POGZ: variants seen among roughly 807,000 people sequenced by gnomAD.
POGZ encodes the protein pogo transposable element with ZNF domain.
A neutral mutation model predicts 134.6 loss-of-function variants in POGZ; 17 were observed. That is an observed-to-expected ratio of 0.13 (90% CI 0.09 to 0.19). The LOEUF (loss-of-function observed/expected upper bound fraction) is 0.19. POGZ is among the 10% of genes least tolerant of loss of function. The probability of loss-of-function intolerance (pLI) is 1.00; values close to 1 mark genes in which losing one functional copy is unlikely to be tolerated. For synonymous variants in POGZ, 693 were observed against 657.1 expected, an observed-to-expected ratio of 1.05 and a Z score of -0.84; for missense variants, 1,306 against 1,769.7, an observed-to-expected ratio of 0.74 and a Z score of 4.70.
In POGZ at chr1:151,433,149, GC is replaced by G. The variant is rs1213390959; in HGVS notation, c.284-2309del. On this transcript the variant is annotated intron_variant, in intron 3 of 18. Coordinates refer to ENST00000271715, the MANE Select transcript of POGZ (RefSeq NM_015100.4). ...TAAATACAAGAAGGGAAAGATGGAGGCTTTTTGCATTTATGGGAAATCAGTC... is the reference window on the plus strand; with the variant it reads ...TAAATACAAGAAGGGAAAGATGGAGGTTTTTGCATTTATGGGAAATCAGTC... Among the ~76,000 whole-genome samples the G allele has an allele frequency of 4.0e-4, 61 of 152,252 alleles. No homozygotes were observed. The East Asian group carries it at 0.011, about 28-fold the overall frequency.
At chr1:151,437,320 C>T (rs1218728798) in intron 3 of POGZ, among the ~76,000 whole-genome samples, 2 of 151,796 alleles carry the variant, frequency 1.3e-5, no homozygotes, top group Non-Finnish European at 2.9e-5. Flanking sequence ...CAATTTTACC[C>T]TTTATGGTTA....
intron 12 of POGZ, 69 bp from the exon 13 acceptor site, chr1:151,408,897 G>A: frequency 7.3e-7 from 1 of 1,363,646 alleles, no homozygotes. Flanking sequence ...CTTTTTTGAG[G>A]AGAAAGCAGA....
At chr1:151,444,521 T>G (rs60747542) in intron 1 of POGZ, among the ~76,000 whole-genome samples, 3,165 of 152,292 alleles carry the variant, frequency 0.021, 103 homozygotes, top group African/African-American at 0.073. Context: ...ATATAAACTG[T>G]GGACAATAAC....
chr1:151,411,866 A>G (rs1654746028), intron 11 of POGZ, 95 bp from the exon 12 acceptor site: 1 of 1,128,562 alleles, frequency 8.9e-7, no homozygotes, highest in Admixed American at 3.3e-5. Flanking sequence ...TTAAATTAAA[A>G]AAAAAAAGTT....
At chr1:151,433,544 G>A (rs1350650710) in intron 3 of POGZ, among the ~76,000 whole-genome samples, 1 of 142,826 alleles carries the variant, frequency 7.0e-6, no homozygotes, top group Non-Finnish European at 1.5e-5. Context: ...GGAGGCAGAG[G>A]TTGCATTGAG....
chr1:151,419,130 T>C (rs1656373110), intron 10 of POGZ, among the ~76,000 whole-genome samples: 1 of 150,838 alleles, frequency 6.6e-6, no homozygotes, highest in African/African-American at 2.4e-5. Context: ...GATGCAGGTA[T>C]ATCATTTAAG....
chr1:151,418,271 G>C (rs1014831519), intron 10 of POGZ, among the ~76,000 whole-genome samples: 1 of 151,580 alleles, frequency 6.6e-6, no homozygotes, highest in African/African-American at 2.4e-5. Flanking sequence ...CCACAAAAAA[G>C]AATGAAATTC....
intron 3 of POGZ, among the ~76,000 whole-genome samples, chr1:151,433,003 T>A (rs1658953680): frequency 6.6e-6 from 1 of 152,216 alleles, no homozygotes; most frequent in African/African-American, 2.4e-5. Context: ...AAATATTGAC[T>A]AAGCAAAAGT....
Position 151,403,158 on chromosome 1 carries a change from G to T in POGZ, c.*1644C>A. On this transcript the variant is annotated 3_prime_UTR_variant, in exon 19 of 19. Coordinates refer to ENST00000271715, the MANE Select transcript of POGZ (RefSeq NM_015100.4). ...CACAAAGCTGGCCAAGCTGTTTCTG[G>T]AAGGGACTTTTCCAGTTCACTATAT... is the stretch of plus-strand genomic sequence containing the variant. 2.1e-6 allele frequency: 2 copies of T among 941,168 alleles called. No homozygotes were observed. The highest frequency in any genetic ancestry group is 2.5e-6 in the Non-Finnish European group (2 of 789,348). The allele number at this position is 941,168 out of a possible 1,614,324, so 58.3% of individuals were successfully genotyped here.
At chr1:151,410,340 G>A (rs745868516) in intron 12 of POGZ, among the ~76,000 whole-genome samples, 3 of 152,112 alleles carry the variant, frequency 2.0e-5, no homozygotes, top group Non-Finnish European at 2.9e-5. Flanking sequence ...GCTGAAATGT[G>A]ACTTCCACCC....
intron 10 of POGZ, among the ~76,000 whole-genome samples, chr1:151,419,797 T>C (rs1240920290): frequency 6.7e-6 from 1 of 149,452 alleles, no homozygotes; most frequent in Admixed American, 6.7e-5. Flanking sequence ...TTGGTAAGCA[T>C]AAAATCTTGT....
At chr1:151,454,297 T>C (rs1304362503) in intron 1 of POGZ, among the ~76,000 whole-genome samples, 1 of 152,224 alleles carries the variant, frequency 6.6e-6, no homozygotes, top group East Asian at 1.9e-4. Context: ...AATTATGTTT[T>C]CAAGTTACCT....
At chr1:151,411,520 T>C (rs996832347) in intron 12 of POGZ, 105 bp downstream of exon 12, 2 of 754,826 alleles carry the variant, frequency 2.6e-6, no homozygotes, top group Non-Finnish European at 2.2e-6. Context: ...ATATGCATAT[T>C]ATAATCTCTG....
At chr1:151,415,382 T>C (rs1655443557) in intron 10 of POGZ, among the ~76,000 whole-genome samples, 1 of 152,082 alleles carries the variant, frequency 6.6e-6, no homozygotes, top group Non-Finnish European at 1.5e-5. Context: ...TTTGAAGAAA[T>C]GGGCCGGGTG....
chr1:151,417,727 CACAA>C lies in POGZ; in HGVS notation c.1679-5335_1679-5332del, dbSNP rs1459629674. Among the ~76,000 whole-genome samples the C allele has an allele frequency of 1.1e-3, 139 of 130,658 alleles. 1 individual carries two copies. Among genetic ancestry groups the C allele is most frequent in the African/African-American group, 4.3e-3 (130 of 30,162 alleles). The allele number at this position is 130,658 out of a possible 152,430, so 85.7% of individuals were successfully genotyped here. A position where few individuals can be genotyped will look rare whatever the true frequency, so the allele number is the denominator to read the frequency against. ...ACACACACACACACACACACACACA[CACAA>C]AAGGCCTTATTTTTTAGAGCTACAT... On this transcript the variant is annotated intron_variant, in intron 10 of 18. Transcript: ENST00000271715.
chr1:151,440,086 A>G (rs1184933482), intron 3 of POGZ, among the ~76,000 whole-genome samples: 1 of 152,122 alleles, frequency 6.6e-6, no homozygotes, highest in Non-Finnish European at 1.5e-5. Flanking sequence ...CATATAACAT[A>G]TAGATGTATA....
At chr1:151,425,191 T>C (rs897242681) in intron 7 of POGZ, 130 bp from the exon 8 acceptor site, 5 of 590,598 alleles carry the variant, frequency 8.5e-6, no homozygotes, top group Non-Finnish European at 1.3e-5. Flanking sequence ...GAGATCACTA[T>C]GGTTTTTGTT....
intron 1 of POGZ, chr1:151,454,918 A>AT (rs1662584001): frequency 6.6e-6 from 1 of 152,168 alleles, no homozygotes; most frequent in South Asian, 2.1e-4. Context: ...GACCAGCCTG[A>AT]TCAATATGGT....
At chr1:151,431,650 A>T (rs1283248678) in intron 3 of POGZ, among the ~76,000 whole-genome samples, 1 of 152,160 alleles carries the variant, frequency 6.6e-6, no homozygotes, top group East Asian at 1.9e-4. Flanking sequence ...ACCAAGTAAA[A>T]ATGACATGAT....
Sources: allele counts gnomAD v4.1 joint callset (sites outside exome capture counted in the v4.1 genomes callset), GRCh38; gene constraint gnomAD v4.1.1; transcripts MANE v1.5; gene names NCBI Gene and HGNC (gene_info 2026-07-23, HGNC 2026-07-21).